TTLL12: variants seen among roughly 807,000 people sequenced by gnomAD.
The protein encoded by TTLL12 is tubulin tyrosine ligase like 12, also known as tubulin--tyrosine ligase-like protein 12.
A neutral mutation model predicts 79.6 loss-of-function variants in TTLL12; 77 were observed. The ratio of observed to expected loss-of-function variants is 0.97; its 90% confidence interval spans 0.81 to 1.17. The LOEUF is 1.17. Ranked by LOEUF, TTLL12 falls within the 50% of genes most tolerant of loss-of-function variation. The probability of loss-of-function intolerance (pLI) is 0.00; values close to 1 mark genes in which losing one functional copy is unlikely to be tolerated. For missense variants in TTLL12, 969 were observed against 895.9 expected (o/e 1.08, Z -1.04); for synonymous variants, 437 against 376.1 (o/e 1.16, Z -1.87).
chr22:43,168,624 G>A, intron 13 of TTLL12, 150 bp downstream of exon 13: 1 of 1,152,120 alleles, frequency 8.7e-7, no homozygotes, highest in South Asian at 1.5e-5. Context: ...CACTTCCTGT[G>A]GGCCAAGCCA....
intron 10 of TTLL12, 41 bp downstream of exon 10, chr22:43,172,362 C>T: frequency 6.2e-7 from 1 of 1,604,198 alleles, no homozygotes; most frequent in South Asian, 1.1e-5. Flanking sequence ...CACCCGGTCA[C>T]CCAGCTCCCC....
In TTLL12 at chr22:43,168,166, G is replaced by A. The variant is rs745783703; in HGVS notation, c.1784-7C>T. On this transcript the variant is annotated splice_region_variant and splice_polypyrimidine_tract_variant and intron_variant, in intron 13 of 13. Coordinates refer to ENST00000216129, the MANE Select transcript of TTLL12 (RefSeq NM_015140.4). Reference sequence around the variant, plus strand: ...GGCTGCATCACCCGCCTTCCTGATGGCAAAGAGCGCAGCAGAGTGTGAAGG... The same window carrying A: ...GGCTGCATCACCCGCCTTCCTGATGACAAAGAGCGCAGCAGAGTGTGAAGG... 5.0e-6 allele frequency: 8 copies of A among 1,613,818 alleles called. No individual in the cohort carries two copies. Among genetic ancestry groups the A allele is most frequent in the East Asian group, 2.2e-5 (1 of 44,874 alleles).
intron 5 of TTLL12, 152 bp downstream of exon 5, chr22:43,179,467 G>A (rs775807376): frequency 5.9e-5 from 65 of 1,100,990 alleles, no homozygotes; most frequent in Non-Finnish European, 7.0e-5. Context: ...TGAGCCCCTC[G>A]TCTCTCAGAG....
At chr22:43,175,282 T>C (rs1445138798) in intron 6 of TTLL12, 3 of 152,308 alleles carry the variant, frequency 2.0e-5, no homozygotes, top group Non-Finnish European at 4.4e-5. Flanking sequence ...TGTGCCTGCT[T>C]CTGCAAGGTG....
At position 43,168,067 on chromosome 22, in the gene TTLL12, C is replaced by T. The variant is rs149141813; in HGVS notation, c.1876G>A (p.Val626Ile). 22 of 1,614,006 alleles carry T rather than the reference C, an allele frequency of 1.4e-5. No homozygotes were observed. In the Admixed American group the frequency reaches 2.3e-4, roughly 17 times the overall value. ...TGGTCCAGAAACAAGGTGCTGAAGA[C>T]GTCGTTGAAGAAGGTGGGGTGGTAC... ...CRYHPTFFND[V>I]FSTLFLDQPG... is the part of the protein sequence containing the mutation. The change falls in exon 14 of 14, where the codon GTC becomes ATC. Residue 626 changes from valine (V) to isoleucine (I), a missense_variant. Val to Ile is a conservative substitution (Grantham distance 29, BLOSUM62 3). Coordinates refer to ENST00000216129, the MANE Select transcript of TTLL12 (RefSeq NM_015140.4).
At chr22:43,172,939 C>A (rs1931804053) in intron 9 of TTLL12, among the ~76,000 whole-genome samples, 1 of 152,170 alleles carries the variant, frequency 6.6e-6, no homozygotes, top group Non-Finnish European at 1.5e-5. Flanking sequence ...CTCAGGTGAT[C>A]CGCCCACCTT....
chr22:43,169,046 T>G, intron 12 of TTLL12, 134 bp from the exon 13 acceptor site: 1 of 1,198,072 alleles, frequency 8.3e-7, no homozygotes, highest in Non-Finnish European at 1.1e-6. Flanking sequence ...TCTCTAGACC[T>G]CACCATGGCC....
At chr22:43,186,802 C>T (rs1381581751) in intron 1 of TTLL12, 91 bp downstream of exon 1, 4 of 1,174,620 alleles carry the variant, frequency 3.4e-6, no homozygotes, top group African/African-American at 1.6e-5. Flanking sequence ...CGGCTCCCGC[C>T]GCCCGGGAGC....
chr22:43,168,776 T>C lies in TTLL12; in HGVS notation c.1781A>G (p.Asp594Gly). The part of the protein sequence containing the change: ...DLMLKWDNGP[D>G]GRRVMQPQIL... ...AGGAGATGGGGAGCCCCTCTTACCA[T>C]CTGGGCCGTTGTCCCACTTCAGCAT... is the stretch of plus-strand genomic sequence containing the variant. The change falls in exon 13 of 14, where the codon GAT becomes GGT. Residue 594 changes from aspartate to glycine, a missense_variant and splice_region_variant. By Grantham distance (94) the Asp-to-Gly change is moderately conservative (BLOSUM62 -1). Transcript: ENST00000216129. 6 of 1,556,420 alleles carry C rather than the reference T, an allele frequency of 3.9e-6. No individual in the cohort carries two copies. The highest frequency in any genetic ancestry group is 2.4e-5 in the South Asian group (2 of 84,520).
intron 12 of TTLL12, 55 bp downstream of exon 12, chr22:43,169,445 C>T (rs920095214): frequency 1.4e-5 from 20 of 1,462,174 alleles, no homozygotes; most frequent in Non-Finnish European, 1.8e-5. Context: ...TCCTGCAGGC[C>T]CCCAGCCCGG....
chr22:43,172,531 A>G lies in TTLL12; in HGVS notation c.1365T>C (p.Ser455=), dbSNP rs1289066105. Residue 455 remains serine (S), a synonymous_variant, in exon 10 of 14, where the codon AGT becomes AGC. Transcript: ENST00000216129. ...TPKVVSKYIE[S]PVLFLREDVG... The stretch of plus-strand genomic sequence containing the variant: ...CGTCTTCTCGAAGGAACAACACGGG[A>G]CTTTCGATGTACTTGGACACAACCT... 11 of 1,613,958 alleles carry G rather than the reference A, an allele frequency of 6.8e-6. No individual in the cohort carries two copies. The highest frequency in any genetic ancestry group is 9.3e-6 in the Non-Finnish European group (11 of 1,179,994).
chr22:43,179,673 G>C lies in TTLL12; in HGVS notation c.786C>G (p.Thr262=). 1 of 1,580,260 alleles carries C rather than the reference G, an allele frequency of 6.3e-7. No homozygotes were observed. Among genetic ancestry groups the C allele is most frequent in the Non-Finnish European group, 8.6e-7 (1 of 1,164,196 alleles). Residue 262 remains threonine (T), a synonymous_variant, in exon 5 of 14, where the codon ACC becomes ACG. Coordinates refer to ENST00000216129, the MANE Select transcript of TTLL12 (RefSeq NM_015140.4). The stretch of plus-strand genomic sequence containing the variant: ...TGCAAGAGCTGAGGTCCAGCATGTC[G>C]GTGGGGGCCCAGGGCAGCAGCATGC... The part of the protein sequence containing the change: ...RKCMLLPWAP[T]DMLDLSSCTP...
At chr22:43,176,243 G>T in intron 6 of TTLL12, 77 bp downstream of exon 6, 3 of 1,103,398 alleles carry the variant, frequency 2.7e-6, no homozygotes, top group Non-Finnish European at 2.7e-6. Context: ...CTGTTCTGGG[G>T]CTGTGGGAAC....
rs151031844 is a variant in TTLL12 at position 43,166,872 on chromosome 22, ACCGCTACACCTAGC to A, written c.*1122_*1135del. On this transcript the variant is annotated 3_prime_UTR_variant, in exon 14 of 14. Coordinates refer to ENST00000216129, the MANE Select transcript of TTLL12 (RefSeq NM_015140.4). ...TAGTTCTTAATTTCAAAGAGGAGACACCGCTACACCTAGCCCTGCCCTCCCATGCACTGGAAGGC... is the reference window on the plus strand; with the variant it reads ...TAGTTCTTAATTTCAAAGAGGAGACACCTGCCCTCCCATGCACTGGAAGGC... The A allele has an allele frequency of 0.089, 17,710 of 198,456 alleles. 2,332 individuals carry two copies. Among genetic ancestry groups the A allele is most frequent in the East Asian group, 0.66 (4,320 of 6,520 alleles). 12.3% of individuals were successfully genotyped at this position (198,456 alleles called of 1,614,324 possible). A position where few individuals can be genotyped will look rare whatever the true frequency, so the allele number is the denominator to read the frequency against.
chr22:43,180,019 T>A lies in TTLL12; in HGVS notation c.547-19A>T. 1.9e-6 allele frequency: 3 copies of A among 1,562,972 alleles called. No individual in the cohort carries two copies. The South Asian group carries it at 3.5e-5, about 18-fold the overall frequency. ...CAGCTGTCTGCAGACAGAGCACATA[T>A]GGCACCTCTCGCTCACCCATCCACC... On this transcript the variant is annotated intron_variant, in intron 3 of 13. Coordinates refer to ENST00000216129, the MANE Select transcript of TTLL12 (RefSeq NM_015140.4).
chr22:43,172,607 C>T, intron 9 of TTLL12, 53 bp from the exon 10 acceptor site: 1 of 1,608,422 alleles, frequency 6.2e-7, no homozygotes, highest in African/African-American at 1.3e-5. Flanking sequence ...CCCCCTGGGG[C>T]TCCCGAGCAC....
intron 1 of TTLL12, among the ~76,000 whole-genome samples, chr22:43,186,264 C>T (rs533528369): frequency 2.7e-5 from 4 of 149,892 alleles, no homozygotes; most frequent in African/African-American, 9.7e-5. Flanking sequence ...AGGGCTCATC[C>T]CCAGCCAGGA....
In TTLL12 at chr22:43,187,095, G is replaced by GCGC. The variant is rs1932206773; in HGVS notation, c.-29_-27dup. The GCGC allele has an allele frequency of 9.0e-7, 1 of 1,112,952 alleles. No homozygotes were observed. Among genetic ancestry groups the GCGC allele is most frequent in the Non-Finnish European group, 1.1e-6 (1 of 914,410 alleles). The allele number at this position is 1,112,952 out of a possible 1,614,324, so 68.9% of individuals were successfully genotyped here. On this transcript the variant is annotated 5_prime_UTR_variant, in exon 1 of 14. Coordinates refer to ENST00000216129, the MANE Select transcript of TTLL12 (RefSeq NM_015140.4). Reference sequence around the variant, plus strand: ...GGCGCCAGCACCCGCGCCGACTCCAGCGCCGCCACCGCCGCCGCCGCCCGC... The same window carrying GCGC: ...GGCGCCAGCACCCGCGCCGACTCCAGCGCCGCCGCCACCGCCGCCGCCGCCCGC...
At chr22:43,175,113 A>G (rs1221066844) in intron 6 of TTLL12, among the ~76,000 whole-genome samples, 1 of 152,150 alleles carries the variant, frequency 6.6e-6, no homozygotes, top group African/African-American at 2.4e-5. Context: ...GCCAGCAGGG[A>G]GGAAAGCCCT....
Sources: gnomAD v4.1 joint callset for allele counts (sites outside exome capture counted in the v4.1 genomes callset) on GRCh38, gnomAD v4.1.1 for gene constraint, MANE v1.5 for transcripts, NCBI Gene and HGNC (gene_info 2026-07-23, HGNC 2026-07-21) for gene names.